SPRED1: variants seen among roughly 807,000 people sequenced by gnomAD.
SPRED1 encodes the protein sprouty-related, EVH1 domain-containing protein 1.
In SPRED1, 18 loss-of-function variants were observed where a neutral mutation model predicts 52.3. That is an observed-to-expected ratio of 0.34 (90% confidence interval 0.24 to 0.51). The LOEUF is 0.51. Among genes scored for constraint, SPRED1 ranks in the 20% least tolerant of loss-of-function variants. The pLI is 0.97. For missense variants in SPRED1, 485 were observed against 551.0 expected (o/e 0.88, Z 1.20); for synonymous variants, 155 against 179.7 (o/e 0.86, Z 1.10).
chr15:38,346,489 T>G (rs1275560343), intron 5 of SPRED1, among the ~76,000 whole-genome samples: 2 of 152,196 alleles, frequency 1.3e-5, no homozygotes, highest in Non-Finnish European at 2.9e-5. Context: ...TAAAAAAGAA[T>G]GTATTCACTG....
chr15:38,270,151 C>T (rs1449947456), intron 1 of SPRED1, among the ~76,000 whole-genome samples: 1 of 152,182 alleles, frequency 6.6e-6, no homozygotes, highest in Non-Finnish European at 1.5e-5. Flanking sequence ...AGGTGATCTG[C>T]CTGCCTCGGC....
intron 1 of SPRED1, among the ~76,000 whole-genome samples, chr15:38,282,506 CAA>C (rs373880075): frequency 2.4e-5 from 3 of 125,758 alleles, no homozygotes; most frequent in African/African-American, 2.9e-5. Flanking sequence ...GACCCCGTCT[CAA>C]AAAAAAAAAA....
At chr15:38,277,338 G>A (rs1212469607) in intron 1 of SPRED1, among the ~76,000 whole-genome samples, 1 of 152,040 alleles carries the variant, frequency 6.6e-6, no homozygotes, top group East Asian at 1.9e-4. Flanking sequence ...TCAATGTTTA[G>A]CTCCCACTTA....
At chr15:38,318,581 C>G (rs1437427082) in intron 2 of SPRED1, among the ~76,000 whole-genome samples, 1 of 152,066 alleles carries the variant, frequency 6.6e-6, no homozygotes, top group Non-Finnish European at 1.5e-5. Flanking sequence ...CTCTTACCTC[C>G]CTCCTTCTCT....
At chr15:38,265,043 G>C (rs754427450) in intron 1 of SPRED1, among the ~76,000 whole-genome samples, 11 of 152,136 alleles carry the variant, frequency 7.2e-5, no homozygotes, top group Non-Finnish European at 1.2e-4. Flanking sequence ...GGATTTTGTA[G>C]CCTTTGGGTT....
chr15:38,284,032 T>C (rs1183768288), intron 1 of SPRED1, among the ~76,000 whole-genome samples: 1 of 152,212 alleles, frequency 6.6e-6, no homozygotes, highest in Non-Finnish European at 1.5e-5. Flanking sequence ...CTACTTCTGC[T>C]ACTAAGAGAT....
intron 1 of SPRED1, 59 bp downstream of exon 1, chr15:38,253,276 C>T (rs1894021697): frequency 2.0e-6 from 3 of 1,510,694 alleles, no homozygotes; most frequent in African/African-American, 1.4e-5. Context: ...CCTCGGCTCT[C>T]CCCCAGACCC....
At chr15:38,296,975 A>G (rs1895053680) in intron 1 of SPRED1, among the ~76,000 whole-genome samples, 1 of 152,092 alleles carries the variant, frequency 6.6e-6, no homozygotes, top group Admixed American at 6.6e-5. Context: ...CTGCCATGTA[A>G]GGACACAGCA....
intron 6 of SPRED1, 79 bp from the exon 7 acceptor site, chr15:38,350,934 TG>T: frequency 7.4e-7 from 1 of 1,345,472 alleles, no homozygotes; most frequent in Non-Finnish European, 1.0e-6. Flanking sequence ...AACAAATATC[TG>T]GACACTGGCC....
rs1894426477 is a variant in SPRED1 at position 38,271,169 on chromosome 15, A to G, written c.32+17952A>G. Among the ~76,000 whole-genome samples, 3 of 152,216 alleles carry G rather than the reference A, an allele frequency of 2.0e-5. No individual in the cohort carries two copies. The South Asian group carries it at 6.2e-4, about 32-fold the overall frequency. ...CATGCCAAAGTGTGATATTATCTAA[A>G]TGTCAGATGTTAAAGTGTTTAGATT... On this transcript the variant is annotated intron_variant, in intron 1 of 6. Transcript: ENST00000299084.
chr15:38,288,722 T>C (rs996980784), intron 1 of SPRED1, among the ~76,000 whole-genome samples: 1 of 152,200 alleles, frequency 6.6e-6, no homozygotes, highest in Non-Finnish European at 1.5e-5. Context: ...TTCTAAGTTA[T>C]AGCCATTATA....
chr15:38,274,624 T>A (rs1397589151), intron 1 of SPRED1, among the ~76,000 whole-genome samples: 1 of 152,232 alleles, frequency 6.6e-6, no homozygotes, highest in Non-Finnish European at 1.5e-5. Flanking sequence ...CTGGCAATAT[T>A]CGTATCTATT....
chr15:38,307,592 G>A (rs1895275198), intron 2 of SPRED1, among the ~76,000 whole-genome samples: 2 of 151,998 alleles, frequency 1.3e-5, no homozygotes, highest in South Asian at 2.1e-4. Context: ...TGGATATTAG[G>A]GCTTTAACAT....
chr15:38,296,736 A>G (rs1365886204), intron 1 of SPRED1, among the ~76,000 whole-genome samples: 5 of 152,302 alleles, frequency 3.3e-5, no homozygotes, highest in Admixed American at 6.5e-5. Context: ...TCAATTCAGT[A>G]TTACCTCTCA....
intron 2 of SPRED1, among the ~76,000 whole-genome samples, chr15:38,310,833 A>T (rs537708187): frequency 6.6e-6 from 1 of 152,284 alleles, no homozygotes; most frequent in Non-Finnish European, 1.5e-5. Flanking sequence ...TGTTACATAG[A>T]CATATTTAAT....
At chr15:38,321,508 G>C (rs376552140) in intron 2 of SPRED1, among the ~76,000 whole-genome samples, 67 of 152,256 alleles carry the variant, frequency 4.4e-4, no homozygotes, top group African/African-American at 1.6e-3. Context: ...AAGTGGCCAA[G>C]TGTATTTGTT....
At chr15:38,325,461 C>CT (rs755357342) in intron 4 of SPRED1, among the ~76,000 whole-genome samples, 3 of 146,260 alleles carry the variant, frequency 2.1e-5, no homozygotes, top group African/African-American at 7.5e-5. Context: ...TTTTTTTTTT[C>CT]TTTTTTAAGG....
chr15:38,296,337 A>G (rs986924774), intron 1 of SPRED1, among the ~76,000 whole-genome samples: 1 of 152,196 alleles, frequency 6.6e-6, no homozygotes, highest in Non-Finnish European at 1.5e-5. Context: ...TTTGATTGTT[A>G]ATCAAATTAC....
At chr15:38,303,723 T>C (rs1160002355) in intron 2 of SPRED1, among the ~76,000 whole-genome samples, 26 of 152,104 alleles carry the variant, frequency 1.7e-4, no homozygotes, top group Non-Finnish European at 2.8e-4. Flanking sequence ...GCTAAAGCTA[T>C]GCTTTTTAAA....
Sources: gnomAD v4.1 joint callset for allele counts (sites outside exome capture counted in the v4.1 genomes callset) on GRCh38, gnomAD v4.1.1 for gene constraint, MANE v1.5 for transcripts, NCBI Gene and HGNC (gene_info 2026-07-23, HGNC 2026-07-21) for gene names.